The following ARHGAP21 variants were observed in gnomAD, a reference collection of about 807,000 sequenced individuals.
The protein encoded by ARHGAP21 is rho GTPase-activating protein 21.
A neutral mutation model predicts 164.6 loss-of-function variants in ARHGAP21; 38 were observed. The observed-to-expected ratio is 0.23, with a 90% confidence interval of 0.18 to 0.30. ARHGAP21 has a LOEUF of 0.30. Ranked by LOEUF, ARHGAP21 falls within the 10% of genes least tolerant of loss-of-function variation. The pLI is 1.00. For synonymous variants in ARHGAP21, 766 were observed against 857.9 expected (o/e 0.89, Z 1.87); for missense variants, 1,822 against 2,370.7 (o/e 0.77, Z 4.81).
At chr10:24,645,910 T>C (rs1837528090) in intron 4 of ARHGAP21, among the ~76,000 whole-genome samples, 2 of 152,188 alleles carry the variant, frequency 1.3e-5, no homozygotes, top group South Asian at 2.1e-4. Flanking sequence ...AAGGCAGGGC[T>C]GTTTTTCTGA....
intron 4 of ARHGAP21, among the ~76,000 whole-genome samples, chr10:24,639,603 CATATT>C (rs1487967591): frequency 1.3e-5 from 2 of 151,904 alleles, no homozygotes; most frequent in African/African-American, 2.4e-5. Flanking sequence ...ATTCAACTGT[CATATT>C]ATAGGGAAGT....
intron 2 of ARHGAP21, 47 bp downstream of exon 2, chr10:24,721,790 A>C: frequency 6.2e-7 from 1 of 1,607,266 alleles, no homozygotes; most frequent in Non-Finnish European, 8.5e-7. Context: ...GACGCTCAAG[A>C]CACAGGCCAC....
At chr10:24,678,309 C>A (rs1841465821) in intron 2 of ARHGAP21, among the ~76,000 whole-genome samples, 1 of 152,106 alleles carries the variant, frequency 6.6e-6, no homozygotes, top group South Asian at 2.1e-4. Flanking sequence ...GCAGGGTTAT[C>A]ACATTATGTA....
intron 2 of ARHGAP21, among the ~76,000 whole-genome samples, chr10:24,711,822 A>AG (rs748583104): frequency 6.6e-6 from 1 of 152,210 alleles, no homozygotes; most frequent in Non-Finnish European, 1.5e-5. Flanking sequence ...ACCCCAGTGT[A>AG]GGGGTTTGAA....
At position 24,597,520 on chromosome 10, in the gene ARHGAP21, A is replaced by C; in HGVS notation, c.3261T>G (p.Gly1087=). ...TTTGAGTCTTTGGCTCTGATTTAGC[A>C]CCAAGCAAAGTTTGCCTGATGCTGA... ...QSLSIRQTLL[G]AKSEPKTQSP... is the part of the protein sequence containing the mutation. Residue 1087 remains glycine (G), a synonymous_variant, in exon 16 of 26, where the codon GGT becomes GGG. Transcript: ENST00000396432. 6.2e-7 allele frequency: 1 copy of C among 1,614,106 alleles called. No homozygotes were observed. The highest frequency in any genetic ancestry group is 8.5e-7 in the Non-Finnish European group (1 of 1,179,986).
chr10:24,691,110 C>A (rs1029653573), intron 2 of ARHGAP21, among the ~76,000 whole-genome samples: 1 of 152,126 alleles, frequency 6.6e-6, no homozygotes, highest in African/African-American at 2.4e-5. Context: ...TACACAGAAA[C>A]TGAGAGGTCA....
At chr10:24,612,717 T>C (rs1300648234) in intron 9 of ARHGAP21, among the ~76,000 whole-genome samples, 1 of 151,960 alleles carries the variant, frequency 6.6e-6, no homozygotes, top group Non-Finnish European at 1.5e-5. Context: ...TAGCCAGGTG[T>C]GGTGGCGGAC....
intron 9 of ARHGAP21, among the ~76,000 whole-genome samples, chr10:24,614,646 G>A (rs891666014): frequency 1.3e-5 from 2 of 151,604 alleles, no homozygotes; most frequent in Non-Finnish European, 2.9e-5. Flanking sequence ...AGCCGGGTGT[G>A]GTGGCACACG....
intron 2 of ARHGAP21, 80 bp downstream of exon 2, chr10:24,721,757 G>T: frequency 6.5e-7 from 1 of 1,535,406 alleles, no homozygotes; most frequent in Non-Finnish European, 8.9e-7. Context: ...GAGGCCCCGT[G>T]GCCGGTAACC....
Position 24,585,499 on chromosome 10 carries a change from G to A in ARHGAP21, c.4790C>T (p.Thr1597Ile). 1 of 1,614,194 alleles carries A rather than the reference G, an allele frequency of 6.2e-7. No homozygotes were observed. Among genetic ancestry groups the A allele is most frequent in the Non-Finnish European group, 8.5e-7 (1 of 1,180,056 alleles). The change falls in exon 26 of 26, where the codon ACT becomes ATT. Residue 1597 changes from threonine to isoleucine, a missense_variant. Physicochemically the swap from Thr to Ile is moderately conservative, Grantham distance 89 (BLOSUM62 -1). Around this residue, in one of 5 missense-constraint regions of ARHGAP21, gnomAD observed 333 missense variants for 383.9 expected, o/e 0.87. Transcript: ENST00000396432. ...YSTTSSATYL[T>I]SLDSSRLSPE... ...GCTCAGTCGACTGGAGTCCAGGCTA[G>A]TCAAGTATGTAGCAGACGATGTGGT...
intron 9 of ARHGAP21, among the ~76,000 whole-genome samples, chr10:24,609,298 T>A (rs529848247): frequency 6.6e-6 from 1 of 152,350 alleles, no homozygotes; most frequent in Admixed American, 6.5e-5. Flanking sequence ...TTTGTGTCCC[T>A]GGATTTCCTG....
chr10:24,590,393 CCTT>C lies in ARHGAP21; in HGVS notation c.4150+829_4150+831del, dbSNP rs754288649. 74 of 1,535,386 alleles carry C rather than the reference CCTT, an allele frequency of 4.8e-5. 1 individual carries two copies. In the South Asian group the frequency reaches 8.2e-4, roughly 17 times the overall value. On this transcript the variant is annotated intron_variant, in intron 24 of 25. Transcript: ENST00000396432. The stretch of plus-strand genomic sequence containing the variant: ...CAGCTACAGTGTGGACAACAGTCCT[CCTT>C]CTTCCTACAGTTCCAGCTGTCCATC...
chr10:24,594,653 CAT>C (rs2076501640), intron 21 of ARHGAP21, among the ~76,000 whole-genome samples: 1 of 152,128 alleles, frequency 6.6e-6, no homozygotes, highest in African/African-American at 2.4e-5. Flanking sequence ...GTAGCGTATG[CAT>C]ATGTTACCTC....
intron 4 of ARHGAP21, among the ~76,000 whole-genome samples, chr10:24,658,587 C>T (rs1001511415): frequency 6.6e-6 from 1 of 152,062 alleles, no homozygotes; most frequent in African/African-American, 2.4e-5. Context: ...GATAGAAAAC[C>T]AAACACTGCA....
intron 24 of ARHGAP21, chr10:24,590,958 A>AAAG: frequency 2.1e-6 from 2 of 938,764 alleles, no homozygotes; most frequent in Non-Finnish European, 2.5e-6. Context: ...AAAAAAAAAA[A>AAAG]AAGAACAAAA....
At chr10:24,596,708 T>G in intron 17 of ARHGAP21, 32 bp downstream of exon 17, 1 of 1,612,988 alleles carries the variant, frequency 6.2e-7, no homozygotes, top group Non-Finnish European at 8.5e-7. Flanking sequence ...AATTAATGAC[T>G]TGAGGAAATC....
chr10:24,623,982 A>C (rs1294229174), intron 7 of ARHGAP21, among the ~76,000 whole-genome samples: 1 of 152,192 alleles, frequency 6.6e-6, no homozygotes, highest in Non-Finnish European at 1.5e-5. Context: ...GGAACTATTA[A>C]AACTTGAGAA....
chr10:24,637,558 C>T (rs2131388658), intron 4 of ARHGAP21, among the ~76,000 whole-genome samples: 2 of 152,258 alleles, frequency 1.3e-5, no homozygotes, highest in East Asian at 3.9e-4. Flanking sequence ...TGTAAATGAC[C>T]ATTAATGAAT....
Position 24,622,440 on chromosome 10 carries a change from ATATATATATATAT to A in ARHGAP21, c.525+280_525+292del, listed in dbSNP as rs1565039597. Among the ~76,000 whole-genome samples, 35 of 8,602 alleles carry A rather than the reference ATATATATATATAT, an allele frequency of 4.1e-3. 1 individual carries two copies. The highest frequency in any genetic ancestry group is 0.031 in the Middle Eastern group (1 of 32). 5.6% of individuals were successfully genotyped at this position (8,602 alleles called of 152,430 possible). A position where few individuals can be genotyped will look rare whatever the true frequency, so the allele number is the denominator to read the frequency against. On this transcript the variant is annotated intron_variant, in intron 8 of 25. Coordinates refer to ENST00000396432, the MANE Select transcript of ARHGAP21 (RefSeq NM_020824.4). ...GGTGAGATACTTAAAAAACATATAT[ATATATATATATAT>A]ATATATATATATATATATATATATA... is the stretch of plus-strand genomic sequence containing the variant.
Sources: allele counts gnomAD v4.1 joint callset (sites outside exome capture counted in the v4.1 genomes callset), GRCh38; gene constraint gnomAD v4.1.1; regional missense constraint gnomAD v4.1.1; transcripts MANE v1.5; gene names NCBI Gene and HGNC (gene_info 2026-07-23, HGNC 2026-07-21).